Variants in FAM13B observed in about 807,000 individuals in gnomAD.
The protein encoded by FAM13B is protein FAM13B.
A neutral mutation model predicts 117.3 loss-of-function variants in FAM13B; 60 were observed. That is an observed-to-expected ratio of 0.51 (90% CI 0.42 to 0.63). The LOEUF (loss-of-function observed/expected upper bound fraction) is 0.63, where lower values mean the gene tolerates loss of function less well. Ranked by LOEUF, FAM13B falls within the 30% of genes least tolerant of loss-of-function variation. The probability of loss-of-function intolerance (pLI) is 0.00; values close to 1 mark genes in which losing one functional copy is unlikely to be tolerated. For missense variants in FAM13B, 972 were observed against 1,091.9 expected, an observed-to-expected ratio of 0.89 and a Z score of 1.55; for synonymous variants, 332 against 356.1, an observed-to-expected ratio of 0.93 and a Z score of 0.76.
intron 7 of FAM13B, among the ~76,000 whole-genome samples, chr5:138,002,959 C>A (rs1004827534): frequency 6.6e-6 from 1 of 151,886 alleles, no homozygotes; most frequent in African/African-American, 2.4e-5. Flanking sequence ...CAGGTGTGAG[C>A]CACCGCGCCG....
chr5:138,042,524 C>A (rs1791526274), intron 1 of FAM13B, among the ~76,000 whole-genome samples: 1 of 151,804 alleles, frequency 6.6e-6, no homozygotes, highest in Non-Finnish European at 1.5e-5. Flanking sequence ...TAAAAACTAG[C>A]TCCTTAAGTT....
chr5:137,998,835 C>T (rs981667400), intron 7 of FAM13B, among the ~76,000 whole-genome samples: 3 of 152,234 alleles, frequency 2.0e-5, no homozygotes, highest in African/African-American at 7.2e-5. Context: ...GTCCTCTTCC[C>T]TGGGTCACCG....
At chr5:138,043,663 C>T (rs1791562874) in intron 1 of FAM13B, among the ~76,000 whole-genome samples, 1 of 152,068 alleles carries the variant, frequency 6.6e-6, no homozygotes. Context: ...TGGTCTCGAA[C>T]TCCTGACCTC....
At chr5:137,981,836 A>G (rs1775848875) in intron 10 of FAM13B, among the ~76,000 whole-genome samples, 2 of 152,152 alleles carry the variant, frequency 1.3e-5, no homozygotes, top group South Asian at 2.1e-4. Context: ...AAAAGGACAA[A>G]AAGTTCAGAG....
intron 1 of FAM13B, chr5:138,039,707 A>AT (rs1285132243): frequency 1.3e-5 from 2 of 149,712 alleles, no homozygotes; most frequent in African/African-American, 4.9e-5. Context: ...AAGTGCTGGG[A>AT]TTACAGGCAT....
intron 4 of FAM13B, among the ~76,000 whole-genome samples, chr5:138,012,527 G>A (rs78910840): frequency 0.014 from 2,173 of 152,196 alleles, 40 homozygotes; most frequent in African/African-American, 0.048. Context: ...TTCATTTCTC[G>A]TCTGTTTTTC....
At chr5:138,047,226 A>G (rs1051120240) in intron 1 of FAM13B, among the ~76,000 whole-genome samples, 2 of 150,434 alleles carry the variant, frequency 1.3e-5, no homozygotes, top group African/African-American at 4.9e-5. Flanking sequence ...CCACATTCAG[A>G]CCGGGCGCGG....
At chr5:137,987,325 A>G in intron 9 of FAM13B, 136 bp downstream of exon 9, 1 of 687,306 alleles carries the variant, frequency 1.5e-6, no homozygotes, top group Non-Finnish European at 2.4e-6. Flanking sequence ...ATACAAGTAT[A>G]TATACAAAGT....
intron 7 of FAM13B, among the ~76,000 whole-genome samples, chr5:137,988,763 C>CA (rs1008277762): frequency 2.7e-4 from 41 of 151,998 alleles, no homozygotes; most frequent in East Asian, 9.6e-4. Flanking sequence ...CCTTCTACAA[C>CA]AAAAAAAAGT....
intron 10 of FAM13B, among the ~76,000 whole-genome samples, chr5:137,972,593 T>A (rs1772558388): frequency 6.6e-6 from 1 of 151,964 alleles, no homozygotes; most frequent in African/African-American, 2.4e-5. Context: ...CAACATAGTG[T>A]TGGAAGTTCT....
Position 137,939,375 on chromosome 5 carries a change from T to C in FAM13B, c.*850A>G, listed in dbSNP as rs904012292. On this transcript the variant is annotated 3_prime_UTR_variant, in exon 24 of 24. Transcript: ENST00000689681. ...TCTGAGCACCATCAGAGTTCCTACA[T>C]ACTGACATGGCTATTTTCTCACATT... The C allele has an allele frequency of 6.5e-6, 1 of 152,694 alleles. No individual in the cohort carries two copies. The highest frequency in any genetic ancestry group is 1.5e-5 in the Non-Finnish European group (1 of 68,094). 9.5% of individuals were successfully genotyped at this position (152,694 alleles called of 1,614,324 possible). A position where few individuals can be genotyped will look rare whatever the true frequency, so the allele number is the denominator to read the frequency against.
intron 7 of FAM13B, among the ~76,000 whole-genome samples, chr5:137,995,702 T>C (rs1779688632): frequency 6.6e-6 from 1 of 152,158 alleles, no homozygotes; most frequent in South Asian, 2.1e-4. Context: ...ATGACAAGAG[T>C]ATATCAAAAG....
intron 10 of FAM13B, among the ~76,000 whole-genome samples, chr5:137,984,571 A>G (rs1427691304): frequency 6.6e-6 from 1 of 152,096 alleles, no homozygotes; most frequent in Non-Finnish European, 1.5e-5. Context: ...CTTGTTAACC[A>G]ATATTCTGTT....
At position 138,010,931 on chromosome 5, in the gene FAM13B, G is replaced by T. The variant is rs185928001; in HGVS notation, c.690+77C>A. 98 of 1,280,052 alleles carry T rather than the reference G, an allele frequency of 7.7e-5. No individual in the cohort carries two copies. The East Asian group carries it at 2.4e-3, about 31-fold the overall frequency. 79.3% of individuals were successfully genotyped at this position (1,280,052 alleles called of 1,614,324 possible). On this transcript the variant is annotated intron_variant, in intron 6 of 23. Coordinates refer to ENST00000689681, the MANE Select transcript of FAM13B (RefSeq NM_001385994.1). ...GATTTAAATTCCACTTATGTCTGTG[G>T]CAAGTCTTTAAGAGCATATTATTCT...
chr5:137,987,676 G>T (rs1473781343), intron 8 of FAM13B, 60 bp from the exon 9 acceptor site: 26 of 1,507,898 alleles, frequency 1.7e-5, no homozygotes, highest in Non-Finnish European at 2.3e-5. Context: ...TGGTGACACA[G>T]ACATAAATGC....
intron 6 of FAM13B, among the ~76,000 whole-genome samples, chr5:138,009,626 G>A (rs1303833882): frequency 1.3e-5 from 2 of 152,032 alleles, no homozygotes; most frequent in Non-Finnish European, 2.9e-5. Flanking sequence ...CCAACATGGC[G>A]AAAGCCTGTC....
At chr5:138,045,741 G>A (rs2151130488) in intron 1 of FAM13B, among the ~76,000 whole-genome samples, 1 of 152,172 alleles carries the variant, frequency 6.6e-6, no homozygotes, top group East Asian at 1.9e-4. Flanking sequence ...GCTCACACCT[G>A]TAATCCCAGC....
Position 138,033,012 on chromosome 5 carries a change from G to C in FAM13B, c.-433C>G. The C allele has an allele frequency of 1.0e-6, 1 of 987,348 alleles. No individual in the cohort carries two copies. The highest frequency in any genetic ancestry group is 1.2e-6 in the Non-Finnish European group (1 of 831,468). The allele number at this position is 987,348 out of a possible 1,614,324, so 61.2% of individuals were successfully genotyped here. The stretch of plus-strand genomic sequence containing the variant: ...GCGACGCAGACGCGGAACAGGGGGA[G>C]AGAGTGGCGACAGAGGCGGCGGCTG... On this transcript the variant is annotated 5_prime_UTR_variant, in exon 1 of 24. Transcript: ENST00000689681.
intron 7 of FAM13B, among the ~76,000 whole-genome samples, chr5:137,997,006 T>C (rs1780035926): frequency 6.6e-6 from 1 of 152,152 alleles, no homozygotes; most frequent in African/African-American, 2.4e-5. Context: ...AGCATGAGCA[T>C]AAATTAAAAA....
Sources: allele counts gnomAD v4.1 joint callset (sites outside exome capture counted in the v4.1 genomes callset), GRCh38; gene constraint gnomAD v4.1.1; transcripts MANE v1.5; gene names NCBI Gene and HGNC (gene_info 2026-07-23, HGNC 2026-07-21).